The following CCDC7 variants were observed in gnomAD, a reference collection of about 807,000 sequenced individuals.
CCDC7 encodes coiled-coil domain containing 7.
Under a neutral mutation model 196.9 loss-of-function variants are expected in CCDC7, and 183 were observed. The ratio of observed to expected loss-of-function variants is 0.93; its 90% CI spans 0.82 to 1.05. CCDC7 has a LOEUF of 1.05. CCDC7 is among the 50% of genes least tolerant of loss of function. The pLI is 0.00. For missense variants in CCDC7, 1,540 were observed against 1,482.2 expected, an observed-to-expected ratio of 1.04 and a Z score of -0.64; for synonymous variants, 525 against 484.6, an observed-to-expected ratio of 1.08 and a Z score of -1.10.
At chr10:32,691,928 C>T (rs1591643410) in intron 23 of CCDC7, among the ~76,000 whole-genome samples, 1 of 152,160 alleles carries the variant, frequency 6.6e-6, no homozygotes, top group South Asian at 2.1e-4. Flanking sequence ...ATCATTCGTC[C>T]CCCTTTCCTC....
intron 41 of CCDC7, among the ~76,000 whole-genome samples, chr10:32,854,932 A>T (rs924029327): frequency 9.9e-5 from 15 of 152,186 alleles, no homozygotes; most frequent in Admixed American, 9.8e-4. Flanking sequence ...AAAAAAGAAC[A>T]TGTAAGTGAG....
At chr10:32,531,730 T>C (rs1245688302) in intron 11 of CCDC7, among the ~76,000 whole-genome samples, 1 of 152,186 alleles carries the variant, frequency 6.6e-6, no homozygotes, top group Non-Finnish European at 1.5e-5. Context: ...ATCTTGTTAC[T>C]TATTATTGGT....
chr10:32,511,942 AATT>A (rs1334812005), intron 9 of CCDC7: 4 of 572,772 alleles, frequency 7.0e-6, no homozygotes, highest in Non-Finnish European at 3.1e-6. Flanking sequence ...GATTTTATTA[AATT>A]ATTATGCATA....
At chr10:32,749,299 A>T (rs921686458) in intron 28 of CCDC7, among the ~76,000 whole-genome samples, 14 of 152,276 alleles carry the variant, frequency 9.2e-5, no homozygotes, top group African/African-American at 3.4e-4. Context: ...CGTTTAAAAA[A>T]TTTTTTATCT....
chr10:32,698,044 G>A (rs925996315), intron 24 of CCDC7, among the ~76,000 whole-genome samples: 1 of 152,184 alleles, frequency 6.6e-6, no homozygotes, highest in African/African-American at 2.4e-5. Flanking sequence ...AGCCTCCGCT[G>A]GTGATACCCA....
chr10:32,842,399 T>C (rs1045509700), intron 33 of CCDC7, among the ~76,000 whole-genome samples: 6 of 151,958 alleles, frequency 3.9e-5, no homozygotes, highest in African/African-American at 1.4e-4. Context: ...TGCAATACCA[T>C]CTCATTCCTG....
In CCDC7 at chr10:32,824,488, G is replaced by C. The variant is rs748612492; in HGVS notation, c.3182-30G>C. On this transcript the variant is annotated intron_variant, in intron 31 of 41. Coordinates refer to ENST00000639629, the Ensembl canonical transcript of CCDC7. ...ACATGTTAATATTTACATTAAAAAAGTGTTTTGAAATCTGTTTACTTTTTT... is the reference window on the plus strand; with the variant it reads ...ACATGTTAATATTTACATTAAAAAACTGTTTTGAAATCTGTTTACTTTTTT... 3.5e-6 allele frequency: 5 copies of C among 1,421,990 alleles called. No individual in the cohort carries two copies. The East Asian group carries it at 6.9e-5, about 19-fold the overall frequency. The allele number at this position is 1,421,990 out of a possible 1,614,324, so 88.1% of individuals were successfully genotyped here.
At chr10:32,474,604 A>C (rs2038639994) in intron 8 of CCDC7, among the ~76,000 whole-genome samples, 1 of 152,118 alleles carries the variant, frequency 6.6e-6, no homozygotes, top group South Asian at 2.1e-4. Context: ...ATTAGAACGT[A>C]CTACTGAAAT....
At chr10:32,874,003 A>G (rs1430887366) in intron 41 of CCDC7, among the ~76,000 whole-genome samples, 3 of 151,752 alleles carry the variant, frequency 2.0e-5, no homozygotes, top group Admixed American at 6.6e-5. Context: ...ATAGAAAAGT[A>G]TACAATTAAT....
intron 20 of CCDC7, among the ~76,000 whole-genome samples, chr10:32,636,109 C>T (rs2065589733): frequency 6.6e-6 from 1 of 152,174 alleles, no homozygotes; most frequent in Non-Finnish European, 1.5e-5. Context: ...TAGTTTATTA[C>T]CACAAAGTGT....
chr10:32,691,305 C>T lies in CCDC7; in HGVS notation c.2344+2142C>T, dbSNP rs1416552209. Among the ~76,000 whole-genome samples the T allele has an allele frequency of 2.6e-5, 4 of 152,094 alleles. No homozygotes were observed. The South Asian group carries it at 8.3e-4, about 32-fold the overall frequency. ...TGTGTTGGTACCCATGGCCCACTAC[C>T]TGGCCAGGAGGTTCTTGGTGAAAAG... On this transcript the variant is annotated intron_variant, in intron 23 of 41. Coordinates refer to ENST00000639629, the Ensembl canonical transcript of CCDC7.
chr10:32,472,278 A>G (rs1220276847), intron 6 of CCDC7, among the ~76,000 whole-genome samples: 1 of 152,174 alleles, frequency 6.6e-6, no homozygotes, highest in Non-Finnish European at 1.5e-5. Context: ...CATGGAATTC[A>G]TATAATTACA....
intron 28 of CCDC7, among the ~76,000 whole-genome samples, chr10:32,752,429 C>T (rs2075804159): frequency 6.6e-6 from 1 of 152,134 alleles, no homozygotes; most frequent in Non-Finnish European, 1.5e-5. Flanking sequence ...CCATTAGCTC[C>T]TGCCTACAAA....
At chr10:32,814,425 A>T (rs1244718813) in exon 31 of CCDC7, 2 of 1,611,978 alleles carry the variant, frequency 1.2e-6, no homozygotes, top group South Asian at 1.1e-5. Flanking sequence ...TAAAGGATGA[A>T]TTCAAGACAC....
intron 28 of CCDC7, among the ~76,000 whole-genome samples, chr10:32,758,284 A>G (rs1047414324): frequency 8.5e-5 from 13 of 152,202 alleles, no homozygotes; most frequent in African/African-American, 2.4e-4. Flanking sequence ...AAAACCTGGC[A>G]GAGACACAAC....
intron 21 of CCDC7, among the ~76,000 whole-genome samples, chr10:32,678,512 G>T (rs898073535): frequency 1.3e-5 from 2 of 152,138 alleles, no homozygotes; most frequent in Non-Finnish European, 2.9e-5. Flanking sequence ...TGTGATTTGT[G>T]TGTCAGCTAT....
chr10:32,607,085 C>T (rs2061629660), intron 18 of CCDC7, among the ~76,000 whole-genome samples: 2 of 152,164 alleles, frequency 1.3e-5, no homozygotes, highest in African/African-American at 4.8e-5. Context: ...ATAGTGACTT[C>T]TCATGAGATC....
intron 9 of CCDC7, among the ~76,000 whole-genome samples, chr10:32,494,964 C>T (rs908468152): frequency 6.6e-6 from 1 of 152,160 alleles, no homozygotes; most frequent in African/African-American, 2.4e-5. Flanking sequence ...CTTGAGGAAT[C>T]ACCACACTGT....
At chr10:32,449,379 G>A (rs1286239268), upstream of CCDC7, among the ~76,000 whole-genome samples, 2 of 152,058 alleles carry the variant, frequency 1.3e-5, no homozygotes, top group Non-Finnish European at 2.9e-5. Context: ...ATAGAGACAG[G>A]GTTTTACCAT....
Sources: gnomAD v4.1 joint callset for allele counts (sites outside exome capture counted in the v4.1 genomes callset) on GRCh38, gnomAD v4.1.1 for gene constraint, MANE v1.5 for transcripts, NCBI Gene and HGNC (gene_info 2026-07-23, HGNC 2026-07-21) for gene names.